Variants in ATP4B observed in about 807,000 individuals in gnomAD.
ATP4B encodes potassium-transporting ATPase subunit beta.
ATP4B carries 27 observed loss-of-function variants against 35.3 expected under a neutral mutation model. The ratio of observed to expected loss-of-function variants is 0.76; its 90% CI spans 0.56 to 1.05. ATP4B has a LOEUF of 1.05. Ranked by LOEUF, ATP4B falls within the 50% of genes least tolerant of loss-of-function variation. ATP4B has a pLI of 0.00. For synonymous variants in ATP4B, 162 were observed against 156.0 expected (o/e 1.04, Z -0.29); for missense variants, 375 against 384.8 (o/e 0.97, Z 0.21).
intron 3 of ATP4B, 37 bp downstream of exon 3, chr13:113,653,267 TTCACACCTCACCCACCC>T (rs2049727509): frequency 1.3e-5 from 19 of 1,519,738 alleles, no homozygotes; most frequent in Non-Finnish European, 1.4e-5. Flanking sequence ...CACCCGCCGC[TTCACACCTCACCCACCC>T]GCCGCTTCAC....
intron 1 of ATP4B, among the ~76,000 whole-genome samples, chr13:113,655,160 G>A (rs868093311): frequency 3.9e-5 from 6 of 152,300 alleles, no homozygotes; most frequent in Middle Eastern, 3.4e-3. Context: ...GGGTTTGCCC[G>A]TCTGGACGTC....
chr13:113,653,220 C>CT (rs941371631), intron 3 of ATP4B, 101 bp downstream of exon 3: 1 of 1,333,944 alleles, frequency 7.5e-7, no homozygotes, highest in African/African-American at 1.5e-5. Context: ...TCACCTGCTG[C>CT]TTCACACCTC....
rs1355006971 is a variant in ATP4B at position 113,651,691 on chromosome 13, T to G, written c.592A>C (p.Arg198=). The G allele has an allele frequency of 1.9e-6, 3 of 1,613,410 alleles. No homozygotes were observed. Among genetic ancestry groups the G allele is most frequent in the South Asian group, 1.1e-5 (1 of 91,020 alleles). ...CTCACCAGGAAGGCGCAGTCCACTC[T>G]GGGGGCCGAGCCGTTGCTGGGGAGG... ...KFLPSNGSAP[R]VDCAFLDQPR... The change falls in exon 5 of 7, where the codon AGA becomes CGA. Residue 198 remains arginine, a synonymous_variant. Coordinates refer to ENST00000335288, the MANE Select transcript of ATP4B (RefSeq NM_000705.4).
In ATP4B at chr13:113,649,279, G is replaced by A; in HGVS notation, c.*95C>T. Reference sequence around the variant, plus strand: ...CGTTGCTCCAAACCACTTTGGGGATGATTTGGCAGGGAACTGACGGGCAAG... The same window carrying A: ...CGTTGCTCCAAACCACTTTGGGGATAATTTGGCAGGGAACTGACGGGCAAG... On this transcript the variant is annotated 3_prime_UTR_variant, in exon 7 of 7. Coordinates refer to ENST00000335288, the MANE Select transcript of ATP4B (RefSeq NM_000705.4). This position sits in a 1 kb window ranked among gnomAD's most constrained non-coding sequence, Gnocchi z 4.7. The A allele has an allele frequency of 6.9e-7, 1 of 1,443,646 alleles. No individual in the cohort carries two copies. The highest frequency in any genetic ancestry group is 2.6e-5 in the East Asian group (1 of 38,688). The allele number at this position is 1,443,646 out of a possible 1,614,324, so 89.4% of individuals were successfully genotyped here. A position where few individuals can be genotyped will look rare whatever the true frequency, so the allele number is the denominator to read the frequency against.
In ATP4B at chr13:113,651,652, G is replaced by A. The variant is rs377601482; in HGVS notation, c.612+19C>T. ...CTCCTTTCCTGGGGCAGCCCTGCCC[G>A]CCGCGCGGCCGTACTCACCAGGAAG... On this transcript the variant is annotated intron_variant, in intron 5 of 6. Coordinates refer to ENST00000335288, the MANE Select transcript of ATP4B (RefSeq NM_000705.4). 19 of 1,591,394 alleles carry A rather than the reference G, an allele frequency of 1.2e-5. No individual in the cohort carries two copies. Among genetic ancestry groups the A allele is most frequent in the Admixed American group, 1.8e-5 (1 of 57,066 alleles).
At position 113,655,121 on chromosome 13, in the gene ATP4B, C is replaced by T. The variant is rs571735102; in HGVS notation, c.113-179G>A. Among the ~76,000 whole-genome samples the T allele has an allele frequency of 2.4e-4, 37 of 152,272 alleles. No homozygotes were observed. In the East Asian group the frequency reaches 6.0e-3, roughly 25 times the overall value. ...AACAGTCACTACAATCCCCTCCCAGCGCCGCACCACCGGCCACGTTCTGCC... is the reference window on the plus strand; with the variant it reads ...AACAGTCACTACAATCCCCTCCCAGTGCCGCACCACCGGCCACGTTCTGCC... On this transcript the variant is annotated intron_variant, in intron 1 of 6. Coordinates refer to ENST00000335288, the MANE Select transcript of ATP4B (RefSeq NM_000705.4).
At position 113,649,516 on chromosome 13, in the gene ATP4B, A is replaced by C; in HGVS notation, c.734T>G (p.Leu245Arg). 1 of 1,537,980 alleles carries C rather than the reference A, an allele frequency of 6.5e-7. No individual in the cohort carries two copies. Among genetic ancestry groups the C allele is most frequent in the East Asian group, 2.5e-5 (1 of 40,616 alleles). Residue 245 changes from leucine (L) to arginine (R), a missense_variant, in exon 7 of 7, where the codon CTG becomes CGG. Coordinates refer to ENST00000335288, the MANE Select transcript of ATP4B (RefSeq NM_000705.4). This position sits in a 1 kb window ranked among gnomAD's most constrained non-coding sequence, Gnocchi z 4.7. ...GATGTTGAGGAGCTTCGCTGCCACC[A>C]GGGGGTTGCTGTAGTGGGGCTGAAG... is the stretch of plus-strand genomic sequence containing the variant. Reference protein sequence around the residue: ...KKAQPHYSNPLVAAKLLNIPR... With the variant: ...KKAQPHYSNPRVAAKLLNIPR...
At chr13:113,655,147 T>C (rs919365116) in intron 1 of ATP4B, among the ~76,000 whole-genome samples, 5 of 152,102 alleles carry the variant, frequency 3.3e-5, no homozygotes, top group African/African-American at 1.2e-4. Flanking sequence ...ACGTTCTGCC[T>C]CTGGGTTTGC....
chr13:113,652,331 T>C (rs1202326321), intron 4 of ATP4B, among the ~76,000 whole-genome samples: 1 of 152,314 alleles, frequency 6.6e-6, no homozygotes, highest in Middle Eastern at 3.4e-3. Context: ...GCCTGCAGCC[T>C]CTTAAGTGGA....
chr13:113,657,370 G>A (rs1180065655), intron 1 of ATP4B, among the ~76,000 whole-genome samples: 1 of 152,236 alleles, frequency 6.6e-6, no homozygotes, highest in Non-Finnish European at 1.5e-5. Context: ...TAAGGGGTGA[G>A]GGCGTTTCCC....
At chr13:113,655,308 G>C (rs2049745573) in intron 1 of ATP4B, among the ~76,000 whole-genome samples, 1 of 152,200 alleles carries the variant, frequency 6.6e-6, no homozygotes, top group African/African-American at 2.4e-5. Flanking sequence ...GGGAGTTATG[G>C]TTCCCCCATC....
At chr13:113,655,037 T>C (rs2049743314) in intron 1 of ATP4B, 95 bp from the exon 2 acceptor site, 1 of 1,511,858 alleles carries the variant, frequency 6.6e-7, no homozygotes, top group African/African-American at 1.4e-5. Context: ...GGCGTGACCA[T>C]CTTCCCTACC....
chr13:113,649,653 A>T lies in ATP4B; in HGVS notation c.715-118T>A. The T allele has an allele frequency of 8.3e-7, 1 of 1,208,884 alleles. No individual in the cohort carries two copies. Among genetic ancestry groups the T allele is most frequent in the Non-Finnish European group, 1.1e-6 (1 of 901,840 alleles). The allele number at this position is 1,208,884 out of a possible 1,614,324, so 74.9% of individuals were successfully genotyped here. A position where few individuals can be genotyped will look rare whatever the true frequency, so the allele number is the denominator to read the frequency against. On this transcript the variant is annotated intron_variant, in intron 6 of 6. Coordinates refer to ENST00000335288, the MANE Select transcript of ATP4B (RefSeq NM_000705.4). This position sits in a 1 kb window ranked among gnomAD's most constrained non-coding sequence, Gnocchi z 4.7. The stretch of plus-strand genomic sequence containing the variant: ...TGCAGAGAAGCAGCTCTTTTGTGTA[A>T]GACTGGCCCTGACCGAGTGCATGCC...
Position 113,654,821 on chromosome 13 carries a change from C to T in ATP4B, c.234G>A (p.Arg78=), listed in dbSNP as rs769703117. 33 of 1,613,982 alleles carry T rather than the reference C, an allele frequency of 2.0e-5. No individual in the cohort carries two copies. Among genetic ancestry groups the T allele is most frequent in the Non-Finnish European group, 2.6e-5 (31 of 1,179,916 alleles). The change falls in exon 2 of 7, where the codon CGG becomes CGA. Residue 78 remains arginine, a synonymous_variant. Coordinates refer to ENST00000335288, the MANE Select transcript of ATP4B (RefSeq NM_000705.4). ...AACATCCCGGGCGCTTACCTGGTGA[C>T]CGTAGCTGGTCTTGGTAGTCCGGTG... is the stretch of plus-strand genomic sequence containing the variant. ...PYTPDYQDQL[R]SPGVTLRPDV...
rs755040637 is a variant in ATP4B, at chr13:113,651,678, G to A, written c.605C>T (p.Ala202Val). ...CCGCGCGGCCGTACTCACCAGGAAGGCGCAGTCCACTCTGGGGGCCGAGCC... is the reference window on the plus strand; with the variant it reads ...CCGCGCGGCCGTACTCACCAGGAAGACGCAGTCCACTCTGGGGGCCGAGCC... The part of the protein sequence containing the change: ...SNGSAPRVDC[A>V]FLDQPRELGQ... Residue 202 changes from alanine (A) to valine (V), a missense_variant, in exon 5 of 7, where the codon GCC (alanine) becomes GTC (valine). By Grantham distance (64) the Ala-to-Val change is moderately conservative. Coordinates refer to ENST00000335288, the MANE Select transcript of ATP4B (RefSeq NM_000705.4). 16 of 1,613,176 alleles carry A rather than the reference G, an allele frequency of 9.9e-6. No individual in the cohort carries two copies. In the South Asian group the frequency reaches 1.1e-4, roughly 11 times the overall value.
intron 1 of ATP4B, among the ~76,000 whole-genome samples, chr13:113,655,297 G>A (rs1475736766): frequency 1.3e-5 from 2 of 152,202 alleles, no homozygotes; most frequent in Non-Finnish European, 2.9e-5. Context: ...CCCTCTGAGG[G>A]GGGAGTTATG....
At chr13:113,655,282 G>A (rs368673440) in intron 1 of ATP4B, among the ~76,000 whole-genome samples, 2 of 152,178 alleles carry the variant, frequency 1.3e-5, no homozygotes, top group African/African-American at 2.4e-5. Context: ...AGCAGGAACC[G>A]AGGGCCCTCT....
chr13:113,653,503 T>A, intron 2 of ATP4B, 69 bp from the exon 3 acceptor site: 1 of 1,422,012 alleles, frequency 7.0e-7, no homozygotes, highest in Non-Finnish European at 9.9e-7. Flanking sequence ...AGTTCTGAAG[T>A]GGCTGAGGAT....
At chr13:113,651,064 G>A (rs1276441959) in intron 5 of ATP4B, among the ~76,000 whole-genome samples, 1 of 152,060 alleles carries the variant, frequency 6.6e-6, no homozygotes, top group Non-Finnish European at 1.5e-5. Flanking sequence ...CACCGAGAGT[G>A]GAGGCTTCGA....
Sources: gnomAD v4.1 joint callset for allele counts (sites outside exome capture counted in the v4.1 genomes callset) on GRCh38, gnomAD v4.1.1 for gene constraint, Gnocchi (gnomAD v3.1) non-coding constraint, MANE v1.5 for transcripts, NCBI Gene and HGNC (gene_info 2026-07-23, HGNC 2026-07-21) for gene names.